TRPM6: variants seen among roughly 807,000 people sequenced by gnomAD.
TRPM6 encodes the protein channel kinase 2.
TRPM6 carries 111 observed loss-of-function variants against 247.6 expected under a neutral mutation model. That is an observed-to-expected ratio of 0.45 (90% CI 0.38 to 0.52). The LOEUF is 0.52. Among genes scored for constraint, TRPM6 ranks in the 20% least tolerant of loss-of-function variants. TRPM6 has a pLI of 0.00. For missense variants in TRPM6, 2,126 were observed against 2,421.5 expected, an observed-to-expected ratio of 0.88 and a Z score of 2.56; for synonymous variants, 892 against 853.8, an observed-to-expected ratio of 1.04 and a Z score of -0.78.
chr9:74,866,519 T>A (rs1830849698), intron 1 of TRPM6, among the ~76,000 whole-genome samples: 1 of 152,202 alleles, frequency 6.6e-6, no homozygotes, highest in African/African-American at 2.4e-5. Context: ...TTCACTCTTG[T>A]TGCCCAGGCT....
At position 74,820,540 on chromosome 9, in the gene TRPM6, G is replaced by A. The variant is rs1006266762; in HGVS notation, c.1011-113C>T. 18 of 1,332,736 alleles carry A rather than the reference G, an allele frequency of 1.4e-5. No homozygotes were observed. The African/African-American group carries it at 2.4e-4, about 18-fold the overall frequency. 82.6% of individuals were successfully genotyped at this position (1,332,736 alleles called of 1,614,324 possible). A position where few individuals can be genotyped will look rare whatever the true frequency, so the allele number is the denominator to read the frequency against. ...CAGACTGAAAAGGTGTCTATGGACA[G>A]TTCTGCCAGAAGAGCAAATGAGGGG... On this transcript the variant is annotated intron_variant, in intron 8 of 38. Transcript: ENST00000360774.
At chr9:74,845,831 C>A (rs1830091672) in intron 3 of TRPM6, among the ~76,000 whole-genome samples, 1 of 151,948 alleles carries the variant, frequency 6.6e-6, no homozygotes, top group Non-Finnish European at 1.5e-5. Context: ...TGTCTCAAAA[C>A]AAAACGAAAA....
chr9:74,834,488 A>C (rs1829652581), intron 5 of TRPM6, among the ~76,000 whole-genome samples: 1 of 148,170 alleles, frequency 6.7e-6, no homozygotes, highest in African/African-American at 2.6e-5. Flanking sequence ...TTATACTTTA[A>C]GTTCTAGGGT....
intron 5 of TRPM6, among the ~76,000 whole-genome samples, chr9:74,837,933 G>A (rs1228793981): frequency 6.6e-6 from 1 of 151,992 alleles, no homozygotes; most frequent in Non-Finnish European, 1.5e-5. Flanking sequence ...CAATTTTTTA[G>A]AGATAGGGTT....
intron 24 of TRPM6, among the ~76,000 whole-genome samples, chr9:74,772,244 C>T (rs1240460524): frequency 6.6e-6 from 1 of 152,158 alleles, no homozygotes; most frequent in Non-Finnish European, 1.5e-5. Flanking sequence ...CGCCACTACA[C>T]TCCAGCATGG....
rs149833749 is a variant in TRPM6, at chr9:74,792,876, G to T, written c.2392-106C>A. ...TAAATAATATATTAGAAATTAGTTGGCTGGGGGCGGTGGCTCACACCTGTA... is the reference window on the plus strand; with the variant it reads ...TAAATAATATATTAGAAATTAGTTGTCTGGGGGCGGTGGCTCACACCTGTA... On this transcript the variant is annotated intron_variant, in intron 18 of 38. Transcript: ENST00000360774. 8.4e-4 allele frequency: 981 copies of T among 1,163,680 alleles called. 5 individuals carry two copies. The African/African-American group carries it at 0.014, about 16-fold the overall frequency. The allele number at this position is 1,163,680 out of a possible 1,614,324, so 72.1% of individuals were successfully genotyped here. A position where few individuals can be genotyped will look rare whatever the true frequency, so the allele number is the denominator to read the frequency against.
chr9:74,832,196 A>G (rs1829570505), intron 6 of TRPM6, among the ~76,000 whole-genome samples: 1 of 152,206 alleles, frequency 6.6e-6, no homozygotes, highest in South Asian at 2.1e-4. Context: ...AAATCTGGAA[A>G]ATCCAAGCTG....
At chr9:74,788,201 C>T (rs1827766429) in intron 20 of TRPM6, among the ~76,000 whole-genome samples, 1 of 152,090 alleles carries the variant, frequency 6.6e-6, no homozygotes, top group Admixed American at 6.5e-5. Flanking sequence ...TTATGCCACT[C>T]ATTAGATGAA....
At chr9:74,847,418 A>G (rs7037865) in intron 3 of TRPM6, among the ~76,000 whole-genome samples, 88,239 of 151,780 alleles carry the variant, frequency 0.58, 25,873 homozygotes, top group East Asian at 0.78. Context: ...CTGGGCTCCA[A>G]CAATCCTTCT....
intron 6 of TRPM6, among the ~76,000 whole-genome samples, chr9:74,828,478 A>G (rs1240941779): frequency 2.0e-5 from 3 of 152,242 alleles, no homozygotes; most frequent in Non-Finnish European, 4.4e-5. Context: ...AATAACTAGT[A>G]GGCAGCTTGT....
intron 13 of TRPM6, among the ~76,000 whole-genome samples, chr9:74,810,142 CAAAT>C (rs768402050): frequency 3.2e-4 from 49 of 151,932 alleles, no homozygotes; most frequent in African/African-American, 8.2e-4. Flanking sequence ...ACCATAGTGA[CAAAT>C]AAATAAAAAG....
At chr9:74,786,896 A>G (rs1189249504) in intron 20 of TRPM6, among the ~76,000 whole-genome samples, 1 of 152,064 alleles carries the variant, frequency 6.6e-6, no homozygotes, top group African/African-American at 2.4e-5. Context: ...TTGTTGACAA[A>G]CTACTAAGAA....
chr9:74,786,236 C>T, intron 20 of TRPM6, 111 bp from the exon 21 acceptor site: 16 of 1,225,876 alleles, frequency 1.3e-5, no homozygotes, highest in East Asian at 2.4e-5. Context: ...CTAAAACCTG[C>T]CAAACCTTAA....
intron 1 of TRPM6, among the ~76,000 whole-genome samples, chr9:74,860,826 T>C (rs1012373696): frequency 6.6e-6 from 1 of 152,188 alleles, no homozygotes; most frequent in African/African-American, 2.4e-5. Context: ...CAGACCAGCC[T>C]GGGCAACATG....
At chr9:74,769,796 G>GAA (rs1554693216) in intron 25 of TRPM6, among the ~76,000 whole-genome samples, 3 of 148,738 alleles carry the variant, frequency 2.0e-5, no homozygotes, top group African/African-American at 7.4e-5. Context: ...CGGAAGGAAG[G>GAA]GAGGGAGGGA....
chr9:74,837,754 T>A (rs1358079570), intron 5 of TRPM6, among the ~76,000 whole-genome samples: 15 of 149,704 alleles, frequency 1.0e-4, no homozygotes, highest in Non-Finnish European at 1.3e-4. Context: ...CCCCCTTTTT[T>A]TTTTTTTTTT....
At chr9:74,781,839 C>A (rs1218694147) in intron 23 of TRPM6, among the ~76,000 whole-genome samples, 1 of 152,194 alleles carries the variant, frequency 6.6e-6, no homozygotes, top group Non-Finnish European at 1.5e-5. Context: ...TTCTCCATAT[C>A]TGCGGGTTCC....
rs746407314 is a variant in TRPM6, at chr9:74,739,704, C to T, written c.5487+19G>A. 5 of 1,609,502 alleles carry T rather than the reference C, an allele frequency of 3.1e-6. No individual in the cohort carries two copies. The African/African-American group carries it at 5.3e-5, about 17-fold the overall frequency. ...TGACTTGTCCCTCTGGGCTATGGGTCTCTGAGTTTCAGACTTACCCTGAGG... is the reference window on the plus strand; with the variant it reads ...TGACTTGTCCCTCTGGGCTATGGGTTTCTGAGTTTCAGACTTACCCTGAGG... On this transcript the variant is annotated intron_variant, in intron 34 of 38. Coordinates refer to ENST00000360774, the MANE Select transcript of TRPM6 (RefSeq NM_017662.5).
chr9:74,785,117 G>GATAATA (rs377027600), intron 21 of TRPM6, among the ~76,000 whole-genome samples: 1 of 151,814 alleles, frequency 6.6e-6, no homozygotes, highest in African/African-American at 2.4e-5. Context: ...ACATAATGAT[G>GATAATA]ATAATAATAA....
Sources: gnomAD v4.1 joint callset for allele counts (sites outside exome capture counted in the v4.1 genomes callset) on GRCh38, gnomAD v4.1.1 for gene constraint, MANE v1.5 for transcripts, NCBI Gene and HGNC (gene_info 2026-07-23, HGNC 2026-07-21) for gene names.